ASPHD1: variants seen among roughly 807,000 people sequenced by gnomAD.
ASPHD1 encodes aspartate beta-hydroxylase domain containing 1, also known as aspartate beta-hydroxylase domain-containing protein 1.
In ASPHD1, 20 loss-of-function variants were observed where a neutral mutation model predicts 28.3. The ratio of observed to expected loss-of-function variants is 0.71; its 90% CI spans 0.50 to 1.03. The LOEUF (loss-of-function observed/expected upper bound fraction) is 1.03. Ranked by LOEUF, ASPHD1 falls within the 50% of genes least tolerant of loss-of-function variation. ASPHD1 has a pLI of 0.00. For missense variants in ASPHD1, 479 were observed against 524.1 expected (o/e 0.91, Z 0.84); for synonymous variants, 240 against 221.2 (o/e 1.08, Z -0.75).
chr16:29,911,676 T>C (rs1299142279), intron 3 of ASPHD1: 1 of 817,156 alleles, frequency 1.2e-6, no homozygotes, highest in African/African-American at 1.7e-5. Flanking sequence ...GCGTCAGGGG[T>C]AAGAGGCGAA....
chr16:29,911,654 G>A, intron 3 of ASPHD1: 1 of 671,610 alleles, frequency 1.5e-6, no homozygotes, highest in Non-Finnish European at 2.6e-6. Context: ...AAGCAGAAAG[G>A]ACCTGCCTAG....
In ASPHD1 at chr16:29,900,981, G is replaced by T; in HGVS notation, c.10G>T (p.Gly4Trp). Residue 4 changes from glycine to tryptophan, a missense_variant, in exon 1 of 3, where the codon GGG becomes TGG. Physicochemically the swap from Gly to Trp is radical, Grantham distance 184. Transcript: ENST00000308748. Reference sequence around the variant, plus strand: ...GGAGGGTTGGAGGTGCATGAAGGAGGGGAGAGGGAGCTTCAGCGTGGAGAG... The same window carrying T: ...GGAGGGTTGGAGGTGCATGAAGGAGTGGAGAGGGAGCTTCAGCGTGGAGAG... MKEGRGSFSVERGP... is the reference protein window; with the variant it reads MKEWRGSFSVERGP... 2.6e-6 allele frequency: 4 copies of T among 1,554,856 alleles called. No individual in the cohort carries two copies. Among genetic ancestry groups the T allele is most frequent in the East Asian group, 2.4e-5 (1 of 41,208 alleles).
chr16:29,915,690 T>G (rs1184646157), intron 3 of ASPHD1, among the ~76,000 whole-genome samples: 1 of 152,176 alleles, frequency 6.6e-6, no homozygotes, highest in Non-Finnish European at 1.5e-5. Flanking sequence ...GCTGAGACGC[T>G]GAAAGACAAC....
intron 1 of ASPHD1, 24 bp from the exon 2 acceptor site, chr16:29,904,827 TG>T: frequency 6.4e-7 from 1 of 1,558,434 alleles, no homozygotes; most frequent in Non-Finnish European, 8.8e-7. Context: ...GCAGGAGTGC[TG>T]GATGCCCGCG....
chr16:29,905,911 C>A lies in ASPHD1; in HGVS notation c.*14C>A. 6.3e-7 allele frequency: 1 copy of A among 1,580,932 alleles called. No individual in the cohort carries two copies. Among genetic ancestry groups the A allele is most frequent in the South Asian group, 1.1e-5 (1 of 90,208 alleles). ...CCAGACCCTTGAAGGAAGGTGCTCC[C>A]TTCACACACCCAGGCTGGAGAGACA... On this transcript the variant is annotated 3_prime_UTR_variant, in exon 3 of 3. Transcript: ENST00000308748.
chr16:29,910,763 G>A (rs2068692952), downstream of ASPHD1, among the ~76,000 whole-genome samples: 2 of 152,136 alleles, frequency 1.3e-5, no homozygotes. Context: ...AACAGGCCTA[G>A]GCTAAGCACC....
chr16:29,907,034 G>T (rs764560137), downstream of ASPHD1: 12 of 1,613,992 alleles, frequency 7.4e-6, no homozygotes, highest in East Asian at 2.7e-4. Flanking sequence ...GGAGGGCTGG[G>T]TCTGGGCCCC....
Position 29,900,934 on chromosome 16 carries a change from G to C in ASPHD1, c.-38G>C, listed in dbSNP as rs746168283. 1 of 1,533,316 alleles carries C rather than the reference G, an allele frequency of 6.5e-7. No homozygotes were observed. The highest frequency in any genetic ancestry group is 1.2e-5 in the South Asian group (1 of 83,488). The allele number at this position is 1,533,316 out of a possible 1,614,324, so 95.0% of individuals were successfully genotyped here. On this transcript the variant is annotated 5_prime_UTR_variant, in exon 1 of 3. Transcript: ENST00000308748. ...GAGGAAGAAGAGGTAGAAGGAGAGAGAAAGGGGAGAGAAAGGAGAGAGGAG... is the reference window on the plus strand; with the variant it reads ...GAGGAAGAAGAGGTAGAAGGAGAGACAAAGGGGAGAGAAAGGAGAGAGGAG...
Position 29,905,897 on chromosome 16 carries a change from A to C in ASPHD1, c.1173A>C (p.Ter391CysextTer20), listed in dbSNP as rs1555512436. 1 of 1,610,538 alleles carries C rather than the reference A, an allele frequency of 6.2e-7. No homozygotes were observed. The highest frequency in any genetic ancestry group is 8.5e-7 in the Non-Finnish European group (1 of 1,177,820). Residue 391 changes from the stop codon to cysteine, a stop_lost, in exon 3 of 3, where the codon TGA becomes TGC. Transcript: ENST00000308748. ...ACTTTGTCTTCGCCCCAGACCCTTG[A>C]AGGAAGGTGCTCCCTTCACACACCC... ...ALDFVFAPDP[*>C] is the part of the protein sequence containing the mutation.
downstream of ASPHD1, chr16:29,906,441 A>C (rs570406179): frequency 1.5e-5 from 7 of 456,330 alleles, no homozygotes; most frequent in South Asian, 1.1e-4. Flanking sequence ...AGGCCAGTCT[A>C]GTACAAAGTT....
downstream of ASPHD1, among the ~76,000 whole-genome samples, chr16:29,908,301 A>G (rs2068647948): frequency 6.6e-6 from 1 of 152,220 alleles, no homozygotes; most frequent in African/African-American, 2.4e-5. Flanking sequence ...ATGAAGTCGA[A>G]GAGGTGACTG....
At chr16:29,911,093 AG>A in intron 3 of ASPHD1, 1 of 1,614,160 alleles carries the variant, frequency 6.2e-7, no homozygotes, top group Non-Finnish European at 8.5e-7. Context: ...GACATCCTTG[AG>A]GAAGAGTAGC....
downstream of ASPHD1, chr16:29,911,023 C>T (rs773810072): frequency 6.2e-6 from 10 of 1,614,048 alleles, no homozygotes; most frequent in South Asian, 1.1e-4. Flanking sequence ...AGGTGCAGCA[C>T]ACCTCGGCGA....
At chr16:29,907,403 C>T (rs370312235), downstream of ASPHD1, among the ~76,000 whole-genome samples, 18 of 152,316 alleles carry the variant, frequency 1.2e-4, no homozygotes, top group South Asian at 3.5e-3. Flanking sequence ...AGGTATTGTT[C>T]TAGGCACTGC....
chr16:29,904,746 C>CA (rs1268927760), intron 1 of ASPHD1, 106 bp from the exon 2 acceptor site: 5 of 655,656 alleles, frequency 7.6e-6, no homozygotes, highest in Non-Finnish European at 1.3e-5. Context: ...AGGATGACCA[C>CA]AAAACCTGGC....
downstream of ASPHD1, among the ~76,000 whole-genome samples, chr16:29,909,503 C>T (rs755099878): frequency 2.9e-4 from 44 of 152,124 alleles, no homozygotes; most frequent in Non-Finnish European, 6.2e-4. Flanking sequence ...GTATTTTGCT[C>T]AGCACTTCAT....
Position 29,900,705 on chromosome 16 carries a change from C to T in ASPHD1, c.-267C>T. On this transcript the variant is annotated 5_prime_UTR_variant, in exon 1 of 3. Coordinates refer to ENST00000308748, the MANE Select transcript of ASPHD1 (RefSeq NM_181718.4). The stretch of plus-strand genomic sequence containing the variant: ...AGAAAGAAGCTGCCGCGGAGGAAGA[C>T]AGGCTGCGGGTTCCCGGGACTGCAG... 9.0e-6 allele frequency: 5 copies of T among 552,514 alleles called. No homozygotes were observed. Among genetic ancestry groups the T allele is most frequent in the Non-Finnish European group, 1.3e-5 (4 of 312,202 alleles). The allele number at this position is 552,514 out of a possible 1,614,324, so 34.2% of individuals were successfully genotyped here. A position where few individuals can be genotyped will look rare whatever the true frequency, so the allele number is the denominator to read the frequency against.
At chr16:29,910,943 C>T (rs748728951), downstream of ASPHD1, 7 of 1,590,660 alleles carry the variant, frequency 4.4e-6, no homozygotes, top group African/African-American at 9.4e-5. Context: ...CTGGCCACCC[C>T]CAGCCCCCAA....
Position 29,901,682 on chromosome 16 carries a change from G to A in ASPHD1, c.711G>A (p.Pro237=), listed in dbSNP as rs1211132265. ...GGGACTTCTCAGGGACTACCCCTCCGCCTCGGGGCTGGTCCCCACCTCTGG... is the reference window on the plus strand; with the variant it reads ...GGGACTTCTCAGGGACTACCCCTCCACCTCGGGGCTGGTCCCCACCTCTGG... ...VSWDFSGTTP[P]PRGWSPPLAP... The change falls in exon 1 of 3, where the codon CCG becomes CCA. Residue 237 remains proline, a synonymous_variant. Transcript: ENST00000308748. This position sits in a 1 kb window ranked among gnomAD's most constrained non-coding sequence, Gnocchi z 5.1. The A allele has an allele frequency of 3.2e-6, 5 of 1,584,036 alleles. No individual in the cohort carries two copies. Among genetic ancestry groups the A allele is most frequent in the Non-Finnish European group, 4.3e-6 (5 of 1,169,820 alleles).
Sources: gnomAD v4.1 joint callset for allele counts (sites outside exome capture counted in the v4.1 genomes callset) on GRCh38, gnomAD v4.1.1 for gene constraint, Gnocchi (gnomAD v3.1) non-coding constraint, MANE v1.5 for transcripts, NCBI Gene and HGNC (gene_info 2026-07-23, HGNC 2026-07-21) for gene names.